RHOH: variants seen among roughly 807,000 people sequenced by gnomAD.
The protein encoded by RHOH is ras homolog family member H.
Under a neutral mutation model 13.8 loss-of-function variants are expected in RHOH, and 6 were observed. The ratio of observed to expected loss-of-function variants is 0.44; its 90% confidence interval spans 0.24 to 0.86. The LOEUF (loss-of-function observed/expected upper bound fraction) is 0.86. Among genes scored for constraint, RHOH ranks in the 40% least tolerant of loss-of-function variants. The pLI is 0.24. For missense variants in RHOH, 147 were observed against 244.5 expected, an observed-to-expected ratio of 0.60 and a Z score of 2.66; for synonymous variants, 117 against 103.0, an observed-to-expected ratio of 1.14 and a Z score of -0.82.
rs370515707 is a variant in RHOH at position 40,243,487 on chromosome 4, A to T, written c.101A>T (p.Lys34Met). The T allele has an allele frequency of 6.2e-7, 1 of 1,613,656 alleles. No homozygotes were observed. Among genetic ancestry groups the T allele is most frequent in the South Asian group, 1.1e-5 (1 of 91,028 alleles). ...TCCGAGACCTTCCCGGAGGCCTACA[A>T]GCCCACAGTGTACGAGAACACAGGG... Reference protein sequence around the residue: ...FTSETFPEAYKPTVYENTGVD... With the variant: ...FTSETFPEAYMPTVYENTGVD... Residue 34 changes from lysine to methionine, a missense_variant, in exon 3 of 3, where the codon AAG becomes ATG. Lys to Met is a moderately conservative substitution (Grantham distance 95). Coordinates refer to ENST00000381799, the MANE Select transcript of RHOH (RefSeq NM_004310.5). The surrounding 1 kb of genome is among the most constrained non-coding windows in gnomAD (Gnocchi z 6.2).
intron 1 of RHOH, among the ~76,000 whole-genome samples, chr4:40,223,789 T>TTA (rs1726893496): frequency 4.7e-5 from 4 of 84,930 alleles, no homozygotes; most frequent in East Asian, 2.9e-4. Context: ...TTTTTTTTTT[T>TTA]GAGATGGAGT....
At chr4:40,199,229 GAAAA>G (rs138902984) in intron 1 of RHOH, among the ~76,000 whole-genome samples, 2 of 151,448 alleles carry the variant, frequency 1.3e-5, no homozygotes, top group Non-Finnish European at 2.9e-5. Flanking sequence ...GTGCCTGACT[GAAAA>G]AAAAATCTCT....
At chr4:40,240,744 T>C (rs915665001) in intron 1 of RHOH, among the ~76,000 whole-genome samples, 3 of 152,094 alleles carry the variant, frequency 2.0e-5, no homozygotes, top group Non-Finnish European at 2.9e-5. Flanking sequence ...GCCACTGCAC[T>C]CCAGCCTGGG....
intron 1 of RHOH, among the ~76,000 whole-genome samples, chr4:40,201,945 G>GT (rs1179441198): frequency 0.12 from 13,599 of 108,852 alleles, 997 homozygotes; most frequent in African/African-American, 0.15. Flanking sequence ...AACTCCATGA[G>GT]TTTTTTTTTT....
chr4:40,225,267 A>C (rs933883505), intron 1 of RHOH, among the ~76,000 whole-genome samples: 2 of 152,022 alleles, frequency 1.3e-5, no homozygotes, highest in African/African-American at 4.8e-5. Context: ...ATGCACCACC[A>C]CACCCGGCTA....
At chr4:40,193,479 C>CGAGAGA (rs34244157), upstream of RHOH, among the ~76,000 whole-genome samples, 3,512 of 88,602 alleles carry the variant, frequency 0.04, 129 homozygotes, top group African/African-American at 0.077. Context: ...AGAATGAGAG[C>CGAGAGA]GAGAGAGAGA....
rs181814331 is a variant in RHOH, at chr4:40,237,831, G to A, written c.-330-4883G>A. On this transcript the variant is annotated intron_variant, in intron 1 of 2. Coordinates refer to ENST00000381799, the MANE Select transcript of RHOH (RefSeq NM_004310.5). ...CTGAGGATTCCATCAGCATTTTGAA[G>A]TAAGCTACCTCCACCAAAGCCCAGC... Among the ~76,000 whole-genome samples, 142 of 152,248 alleles carry A rather than the reference G, an allele frequency of 9.3e-4. 1 individual carries two copies. The highest frequency in any genetic ancestry group is 3.3e-3 in the African/African-American group (136 of 41,526).
At chr4:40,237,202 C>T (rs943390490) in intron 1 of RHOH, among the ~76,000 whole-genome samples, 2 of 152,126 alleles carry the variant, frequency 1.3e-5, no homozygotes, top group Admixed American at 1.3e-4. Flanking sequence ...CCTGTAATCC[C>T]GGCACTTTGG....
rs569627808 is a variant in RHOH at position 40,236,696 on chromosome 4, G to A, written c.-330-6018G>A. ...GTCCCAAGCTACTTGGGAGGCTGAG[G>A]CAAAAGAATTGCTTGAACCCGGGAG... On this transcript the variant is annotated intron_variant, in intron 1 of 2. Coordinates refer to ENST00000381799, the MANE Select transcript of RHOH (RefSeq NM_004310.5). Among the ~76,000 whole-genome samples, 98 of 152,058 alleles carry A rather than the reference G, an allele frequency of 6.4e-4. 2 individuals are homozygous for A. Among genetic ancestry groups the A allele is most frequent in the Admixed American group, 6.0e-3 (91 of 15,266 alleles).
chr4:40,235,438 A>AACGCATAGTGTCTACAGCAC lies in RHOH; in HGVS notation c.-330-7275_-330-7274insCGCATAGTGTCTACAGCACA, dbSNP rs1256982561. ...AACCCCGTCTCTACTAAAATTACAA[A>AACGCATAGTGTCTACAGCAC]ATTAGCTGGGCTTGGTGGCATGCAC... On this transcript the variant is annotated intron_variant, in intron 1 of 2. Transcript: ENST00000381799. 1.0e-4 allele frequency: 11 copies of AACGCATAGTGTCTACAGCAC among 109,050 alleles called. 1 individual carries two copies. Among genetic ancestry groups the AACGCATAGTGTCTACAGCAC allele is most frequent in the African/African-American group, 2.6e-4 (6 of 23,176 alleles). 6.8% of individuals were successfully genotyped at this position (109,050 alleles called of 1,614,324 possible). A position where few individuals can be genotyped will look rare whatever the true frequency, so the allele number is the denominator to read the frequency against.
Position 40,218,503 on chromosome 4 carries a change from T to G in RHOH, c.-331+21203T>G, listed in dbSNP as rs1242785520. ...AATGAGCCCAGGCTGAGGGCTTTTT[T>G]GCAGGCATGCCAAAAAATGCAGGGC... On this transcript the variant is annotated intron_variant, in intron 1 of 2. Coordinates refer to ENST00000381799, the MANE Select transcript of RHOH (RefSeq NM_004310.5). This position sits in a 1 kb window ranked among gnomAD's most constrained non-coding sequence, Gnocchi z 4.1. 1.3e-5 allele frequency among the ~76,000 whole-genome samples: 2 copies of G among 152,166 alleles called. No homozygotes were observed. Among genetic ancestry groups the G allele is most frequent in the African/African-American group, 4.8e-5 (2 of 41,436 alleles).
chr4:40,234,698 C>T (rs1266924140), intron 1 of RHOH, among the ~76,000 whole-genome samples: 1 of 146,856 alleles, frequency 6.8e-6, no homozygotes, highest in Non-Finnish European at 1.5e-5. Flanking sequence ...TACTGCTTAA[C>T]ATTTTTTATT....
intron 1 of RHOH, among the ~76,000 whole-genome samples, chr4:40,230,828 G>A (rs1727840593): frequency 6.6e-6 from 1 of 152,078 alleles, no homozygotes; most frequent in South Asian, 2.1e-4. Flanking sequence ...ATCAGAAGTT[G>A]GAGTTAGTGC....
chr4:40,230,326 T>C (rs1727767713), intron 1 of RHOH, among the ~76,000 whole-genome samples: 1 of 151,632 alleles, frequency 6.6e-6, no homozygotes, highest in Non-Finnish European at 1.5e-5. Flanking sequence ...GTGTGAGTCA[T>C]GGCACCCGGC....
At chr4:40,200,344 A>C (rs1723803169) in intron 1 of RHOH, 1 of 152,186 alleles carries the variant, frequency 6.6e-6, no homozygotes, top group African/African-American at 2.4e-5. Context: ...CTGGTGTCTC[A>C]CTGTGGAATA....
chr4:40,216,823 A>G (rs1725952056), intron 1 of RHOH, among the ~76,000 whole-genome samples: 1 of 152,228 alleles, frequency 6.6e-6, no homozygotes, highest in African/African-American at 2.4e-5. Flanking sequence ...TAGTTCAAAT[A>G]TGGTTATCAG....
At chr4:40,207,176 G>A (rs1417892516) in intron 1 of RHOH, among the ~76,000 whole-genome samples, 1 of 151,276 alleles carries the variant, frequency 6.6e-6, no homozygotes, top group Non-Finnish European at 1.5e-5. Flanking sequence ...ACTGCACTCC[G>A]GCCCAGACAA....
chr4:40,224,278 A>G (rs537135287), intron 1 of RHOH, among the ~76,000 whole-genome samples: 2 of 152,320 alleles, frequency 1.3e-5, no homozygotes, highest in East Asian at 3.9e-4. Context: ...TGGCATAATT[A>G]ATTTAACCCC....
chr4:40,220,494 T>G (rs1205490414), intron 1 of RHOH, among the ~76,000 whole-genome samples: 1 of 152,168 alleles, frequency 6.6e-6, no homozygotes, highest in Non-Finnish European at 1.5e-5. Context: ...TTTATGGTGA[T>G]GAAGTACAGC....
Sources: allele counts gnomAD v4.1 joint callset (sites outside exome capture counted in the v4.1 genomes callset), GRCh38; gene constraint gnomAD v4.1.1; non-coding constraint Gnocchi (gnomAD v3.1); transcripts MANE v1.5; gene names NCBI Gene and HGNC (gene_info 2026-07-23, HGNC 2026-07-21).